Variants in PKHD1 observed in about 807,000 individuals in gnomAD.
PKHD1 encodes the protein fibrocystin.
PKHD1 carries 291 observed loss-of-function variants against 412.0 expected under a neutral mutation model. The observed-to-expected ratio is 0.71, with a 90% confidence interval of 0.64 to 0.78. PKHD1 has a LOEUF of 0.78. Among genes scored for constraint, PKHD1 ranks in the 30% least tolerant of loss-of-function variants. The pLI is 0.00. For missense variants in PKHD1, 4,825 were observed against 4,950.7 expected, an observed-to-expected ratio of 0.97 and a Z score of 0.76; for synonymous variants, 1,777 against 1,821.5, an observed-to-expected ratio of 0.98 and a Z score of 0.62.
intron 43 of PKHD1, among the ~76,000 whole-genome samples, chr6:51,901,334 G>A (rs1583282506): frequency 6.6e-6 from 1 of 152,190 alleles, no homozygotes; most frequent in Admixed American, 6.5e-5. Flanking sequence ...GGAATACTAT[G>A]CAGCCATAAA....
chr6:51,618,998 G>A lies in PKHD1; in HGVS notation c.*83C>T. On this transcript the variant is annotated 3_prime_UTR_variant, in exon 67 of 67. Transcript: ENST00000371117. ...TCTCTCTTCTTAGTTGTCCCAGCAG[G>A]ACAGTCCTCACTTCCCCAGCTTATT... 8.0e-7 allele frequency: 1 copy of A among 1,251,070 alleles called. No homozygotes were observed. The highest frequency in any genetic ancestry group is 1.2e-6 in the Non-Finnish European group (1 of 851,650). The allele number at this position is 1,251,070 out of a possible 1,614,324, so 77.5% of individuals were successfully genotyped here. A position where few individuals can be genotyped will look rare whatever the true frequency, so the allele number is the denominator to read the frequency against.
intron 50 of PKHD1, among the ~76,000 whole-genome samples, chr6:51,841,266 A>G (rs889254214): frequency 7.2e-5 from 11 of 152,250 alleles, no homozygotes; most frequent in African/African-American, 2.7e-4. Flanking sequence ...TGGTTGCACC[A>G]CCTATGACCT....
chr6:51,934,271 G>C lies in PKHD1; in HGVS notation c.5960C>G (p.Ala1987Gly). The change falls in exon 37 of 67, where the codon GCC becomes GGC. Residue 1987 changes from alanine to glycine, a missense_variant. By Grantham distance (60) the Ala-to-Gly change is moderately conservative (BLOSUM62 0). Coordinates refer to ENST00000371117, the MANE Select transcript of PKHD1 (RefSeq NM_138694.4). The part of the protein sequence containing the change: ...APGPIELRAH[A>G]ILVSDGGELR... ...CTCTCCACCATCAGAAACAAGGATGGCGTGTGCCCTGAGCTCGATGGGTCC... is the reference window on the plus strand; with the variant it reads ...CTCTCCACCATCAGAAACAAGGATGCCGTGTGCCCTGAGCTCGATGGGTCC... 1 of 1,613,586 alleles carries C rather than the reference G, an allele frequency of 6.2e-7. No homozygotes were observed. The highest frequency in any genetic ancestry group is 8.5e-7 in the Non-Finnish European group (1 of 1,179,936).
chr6:52,054,288 C>G lies in PKHD1; in HGVS notation c.1837-123G>C, dbSNP rs930443933. 3.5e-6 allele frequency: 3 copies of G among 860,130 alleles called. No individual in the cohort carries two copies. The Admixed American group carries it at 5.7e-5, about 16-fold the overall frequency. The allele number at this position is 860,130 out of a possible 1,614,324, so 53.3% of individuals were successfully genotyped here. A position where few individuals can be genotyped will look rare whatever the true frequency, so the allele number is the denominator to read the frequency against. ...AGGCTCTGAGAGAGTCAGCACAGTT[C>G]CTGCCCTTCCAGAGCTTACCAGTGT... is the stretch of plus-strand genomic sequence containing the variant. On this transcript the variant is annotated intron_variant, in intron 19 of 66. Coordinates refer to ENST00000371117, the MANE Select transcript of PKHD1 (RefSeq NM_138694.4).
chr6:52,082,581 G>T (rs902266561), intron 3 of PKHD1, 39 bp from the exon 4 acceptor site: 2 of 1,605,140 alleles, frequency 1.2e-6, no homozygotes, highest in East Asian at 4.5e-5. Context: ...GCATAGAATT[G>T]TCATTGACAC....
At chr6:51,978,238 G>A (rs1274550339) in intron 35 of PKHD1, among the ~76,000 whole-genome samples, 1 of 152,168 alleles carries the variant, frequency 6.6e-6, no homozygotes, top group Admixed American at 6.5e-5. Context: ...TAGGGGTGAA[G>A]GAGCCTTTTA....
Position 51,961,518 on chromosome 6 carries a change from G to A in PKHD1, c.5752-1492C>T, listed in dbSNP as rs141413936. ...GCAGTATCTGTAGGCTACAAAAGTAGGAGAGAATTTTAACTCTAGATGATT... is the reference window on the plus strand; with the variant it reads ...GCAGTATCTGTAGGCTACAAAAGTAAGAGAGAATTTTAACTCTAGATGATT... On this transcript the variant is annotated intron_variant, in intron 35 of 66. Coordinates refer to ENST00000371117, the MANE Select transcript of PKHD1 (RefSeq NM_138694.4). 1.3e-4 allele frequency among the ~76,000 whole-genome samples: 20 copies of A among 152,166 alleles called. No homozygotes were observed. The East Asian group carries it at 3.5e-3, about 26-fold the overall frequency.
chr6:51,934,387 A>G, intron 36 of PKHD1, 65 bp from the exon 37 acceptor site: 1 of 959,830 alleles, frequency 1.0e-6, no homozygotes. Context: ...GTCAGTTTCA[A>G]TGCCTGATGA....
At chr6:51,813,418 T>C (rs1764989759) in intron 52 of PKHD1, among the ~76,000 whole-genome samples, 1 of 152,222 alleles carries the variant, frequency 6.6e-6, no homozygotes, top group Non-Finnish European at 1.5e-5. Flanking sequence ...CTGTAATAAC[T>C]GTTCCTGTGT....
At chr6:51,799,414 T>C (rs10948647) in intron 52 of PKHD1, among the ~76,000 whole-genome samples, 3 of 152,042 alleles carry the variant, frequency 2.0e-5, no homozygotes, top group Non-Finnish European at 4.4e-5. Flanking sequence ...CACCATCAGA[T>C]GAAAACAGGT....
chr6:51,632,921 A>G (rs1768099226), intron 64 of PKHD1, among the ~76,000 whole-genome samples, 198 bp from the exon 65 acceptor site: 1 of 152,158 alleles, frequency 6.6e-6, no homozygotes, highest in South Asian at 2.1e-4. Flanking sequence ...TCCAACAATA[A>G]CACATAATAG....
intron 35 of PKHD1, among the ~76,000 whole-genome samples, chr6:52,007,052 T>TTA (rs1210427376): frequency 1.3e-5 from 2 of 152,242 alleles, no homozygotes; most frequent in East Asian, 1.9e-4. Context: ...TAGTATTCCA[T>TTA]TATATATACA....
chr6:52,022,375 G>C (rs540124865), intron 33 of PKHD1, among the ~76,000 whole-genome samples: 1 of 152,278 alleles, frequency 6.6e-6, no homozygotes, highest in South Asian at 2.1e-4. Context: ...GTGATATCCA[G>C]CTTGAAAATC....
intron 35 of PKHD1, among the ~76,000 whole-genome samples, chr6:52,009,608 T>C (rs905967904): frequency 1.3e-5 from 2 of 152,132 alleles, no homozygotes; most frequent in Non-Finnish European, 1.5e-5. Flanking sequence ...GTGAGAAGCC[T>C]GGGGAGCTGT....
At chr6:51,728,836 TTCA>T (rs1283886787) in intron 60 of PKHD1, among the ~76,000 whole-genome samples, 3 of 152,258 alleles carry the variant, frequency 2.0e-5, no homozygotes, top group Non-Finnish European at 4.4e-5. Flanking sequence ...TGCTCAAATG[TTCA>T]TCACCATTCC....
intron 34 of PKHD1, among the ~76,000 whole-genome samples, chr6:52,016,314 G>A (rs1800519801): frequency 6.6e-6 from 1 of 152,150 alleles, no homozygotes; most frequent in Non-Finnish European, 1.5e-5. Context: ...TTCACCGTGG[G>A]GAAGTGGTCT....
At chr6:51,765,979 A>G (rs1788927233) in intron 55 of PKHD1, among the ~76,000 whole-genome samples, 1 of 152,058 alleles carries the variant, frequency 6.6e-6, no homozygotes, top group Non-Finnish European at 1.5e-5. Flanking sequence ...GCCTTCTCCA[A>G]CTTCCCATAA....
intron 52 of PKHD1, among the ~76,000 whole-genome samples, chr6:51,830,347 GACAA>G (rs1562408265): frequency 6.6e-6 from 1 of 152,114 alleles, no homozygotes; most frequent in Non-Finnish European, 1.5e-5. Flanking sequence ...GATAGGTCTA[GACAA>G]ACAGATGAAT....
At chr6:51,758,953 A>G (rs1045159543) in intron 55 of PKHD1, among the ~76,000 whole-genome samples, 1 of 152,222 alleles carries the variant, frequency 6.6e-6, no homozygotes, top group African/African-American at 2.4e-5. Flanking sequence ...TAAGATCTTA[A>G]TGATAATAAC....
Sources: gnomAD v4.1 joint callset for allele counts (sites outside exome capture counted in the v4.1 genomes callset) on GRCh38, gnomAD v4.1.1 for gene constraint, MANE v1.5 for transcripts, NCBI Gene and HGNC (gene_info 2026-07-23, HGNC 2026-07-21) for gene names.